The following MCM2 variants were observed in gnomAD, a reference collection of about 807,000 sequenced individuals.
MCM2 encodes the protein minichromosome maintenance complex component 2.
In MCM2, 49 loss-of-function variants were observed where a neutral mutation model predicts 86.4. The observed-to-expected ratio is 0.57, with a 90% confidence interval of 0.45 to 0.72. The LOEUF (loss-of-function observed/expected upper bound fraction) is 0.72, where lower values mean the gene tolerates loss of function less well. Ranked by LOEUF, MCM2 falls within the 30% of genes least tolerant of loss-of-function variation. MCM2 has a pLI of 0.00. For synonymous variants in MCM2, 475 were observed against 484.6 expected (o/e 0.98, Z 0.26); for missense variants, 1,038 against 1,259.9 (o/e 0.82, Z 2.67).
In MCM2 at chr3:127,606,681, T is replaced by G. The variant is rs1428169571; in HGVS notation, c.965T>G (p.Leu322Arg). 1.9e-6 allele frequency: 3 copies of G among 1,614,146 alleles called. No homozygotes were observed. The highest frequency in any genetic ancestry group is 1.7e-5 in the Admixed American group (1 of 60,014). Reference protein sequence around the residue: ...VTSCTGVLPQLSMVKYNCNKC... With the variant: ...VTSCTGVLPQRSMVKYNCNKC... The stretch of plus-strand genomic sequence containing the variant: ...AGCTGCACTGGCGTCCTGCCCCAGC[T>G]CAGCATGGTCAAGTACAACTGCAAC... The change falls in exon 6 of 16, where the codon CTC becomes CGC. Residue 322 changes from leucine to arginine, a missense_variant. Transcript: ENST00000265056. The surrounding 1 kb of genome is among the most constrained non-coding windows in gnomAD (Gnocchi z 4.2).
At position 127,599,463 on chromosome 3, in the gene MCM2, A is replaced by G; in HGVS notation, c.152A>G (p.Asp51Gly). Residue 51 changes from aspartate (D) to glycine (G), a missense_variant, in exon 2 of 16, where the codon GAT becomes GGT. Around this residue, in one of 4 missense-constraint regions of MCM2, gnomAD observed 300 missense variants for 307.4 expected, o/e 0.98. Coordinates refer to ENST00000265056, the MANE Select transcript of MCM2 (RefSeq NM_004526.4). ...SPGRDLPPFE[D>G]ESEGLLGTEG... is the part of the protein sequence containing the mutation. ...GGCCGTGACCTTCCACCATTTGAGGATGAGTCCGAGGGGCTCCTAGGCACA... is the reference window on the plus strand; with the variant it reads ...GGCCGTGACCTTCCACCATTTGAGGGTGAGTCCGAGGGGCTCCTAGGCACA... 6.2e-7 allele frequency: 1 copy of G among 1,614,186 alleles called. No individual in the cohort carries two copies. The highest frequency in any genetic ancestry group is 1.1e-5 in the South Asian group (1 of 91,078).
chr3:127,609,047 G>C, intron 8 of MCM2, 24 bp downstream of exon 8: 1 of 1,610,406 alleles, frequency 6.2e-7, no homozygotes, highest in Non-Finnish European at 8.5e-7. Flanking sequence ...AGGGGCAGGG[G>C]CTGTCAGGAT....
At chr3:127,612,410 A>T (rs1040556184) in intron 8 of MCM2, among the ~76,000 whole-genome samples, 1 of 152,242 alleles carries the variant, frequency 6.6e-6, no homozygotes, top group Non-Finnish European at 1.5e-5. Flanking sequence ...TATCTATAGA[A>T]ATGAGAGGAT....
intron 2 of MCM2, among the ~76,000 whole-genome samples, chr3:127,601,207 C>A (rs1004488698): frequency 6.6e-6 from 1 of 152,222 alleles, no homozygotes; most frequent in South Asian, 2.1e-4. Context: ...TGTGTTCTTG[C>A]ATGTGCAGCA....
In MCM2 at chr3:127,617,178, T is replaced by C; in HGVS notation, c.1773+60T>C. The C allele has an allele frequency of 1.2e-6, 2 of 1,604,060 alleles. No individual in the cohort carries two copies. Among genetic ancestry groups the C allele is most frequent in the South Asian group, 1.1e-5 (1 of 89,944 alleles). ...AGGGGGTGTGTGTGGGCTTGGGCCT[T>C]AGCGACGGGAATGGTGTTAATGGGG... On this transcript the variant is annotated intron_variant, in intron 10 of 15. Transcript: ENST00000265056. The surrounding 1 kb of genome is among the most constrained non-coding windows in gnomAD (Gnocchi z 4.1).
intron 8 of MCM2, chr3:127,610,965 C>T (rs767659616): frequency 2.2e-6 from 1 of 456,440 alleles, no homozygotes; most frequent in African/African-American, 2.0e-5. Context: ...CCTCCTAGGG[C>T]CAAGTTGTAG....
intron 15 of MCM2, 46 bp downstream of exon 15, chr3:127,621,274 G>C: frequency 6.2e-7 from 1 of 1,606,802 alleles, no homozygotes; most frequent in Non-Finnish European, 8.5e-7. Context: ...GCTGACTTGG[G>C]AGCTGCCAGT....
intron 2 of MCM2, among the ~76,000 whole-genome samples, chr3:127,600,390 G>A (rs2074299215): frequency 6.6e-6 from 1 of 152,244 alleles, no homozygotes; most frequent in African/African-American, 2.4e-5. Flanking sequence ...TGCATTTCCA[G>A]CTGCGATCTG....
rs751513310 is a variant in MCM2 at position 127,606,733 on chromosome 3, C to G, written c.1017C>G (p.Phe339Leu). The change falls in exon 6 of 16, where the codon TTC becomes TTG. Residue 339 changes from phenylalanine (F) to leucine (L), a missense_variant. Phe to Leu is a conservative substitution (Grantham distance 22). Coordinates refer to ENST00000265056, the MANE Select transcript of MCM2 (RefSeq NM_004526.4). This position sits in a 1 kb window ranked among gnomAD's most constrained non-coding sequence, Gnocchi z 4.2. ...AGTGCAATTTCGTCCTGGGTCCTTT[C>G]TGCCAGTCCCAGAACCAGGAGGTGA... ...CNKCNFVLGP[F>L]CQSQNQEVKP... 1 of 1,614,278 alleles carries G rather than the reference C, an allele frequency of 6.2e-7. No homozygotes were observed. The highest frequency in any genetic ancestry group is 2.2e-5 in the East Asian group (1 of 44,880).
intron 15 of MCM2, 41 bp from the exon 16 acceptor site, chr3:127,621,622 C>A: frequency 2.9e-6 from 4 of 1,361,726 alleles, no homozygotes; most frequent in Admixed American, 1.7e-5. Context: ...ACAGCCTGTT[C>A]TCACACCACT....
Position 127,618,903 on chromosome 3 carries a change from G to T in MCM2, c.2014-124G>T. The T allele has an allele frequency of 8.7e-7, 1 of 1,144,162 alleles. No homozygotes were observed. Among genetic ancestry groups the T allele is most frequent in the East Asian group, 2.6e-5 (1 of 38,326 alleles). The allele number at this position is 1,144,162 out of a possible 1,614,324, so 70.9% of individuals were successfully genotyped here. ...CCCAGAACTGCCTGGCACATGGTCA[G>T]TGTAGTCAGTCTTGTTGAAAGAGTG... On this transcript the variant is annotated intron_variant, in intron 12 of 15. Transcript: ENST00000265056. This position sits in a 1 kb window ranked among gnomAD's most constrained non-coding sequence, Gnocchi z 4.0.
intron 15 of MCM2, 140 bp from the exon 16 acceptor site, chr3:127,621,523 T>C (rs1351547481): frequency 4.7e-6 from 3 of 639,712 alleles, no homozygotes; most frequent in Non-Finnish European, 8.2e-6. Context: ...TTGAAGCCCC[T>C]TAATCGGCCT....
rs1350449513 is a variant in MCM2, at chr3:127,605,188, C to T, written c.673+32C>T. On this transcript the variant is annotated intron_variant, in intron 4 of 15. Transcript: ENST00000265056. ...CTTCCCTACGCCCCCGCCTCAGCCCCTGTAGCGCCTCCCTAAATCCTCCCC... is the reference window on the plus strand; with the variant it reads ...CTTCCCTACGCCCCCGCCTCAGCCCTTGTAGCGCCTCCCTAAATCCTCCCC... 1.9e-6 allele frequency: 3 copies of T among 1,601,088 alleles called. No individual in the cohort carries two copies. In the African/African-American group the frequency reaches 4.0e-5, roughly 21 times the overall value.
intron 1 of MCM2, chr3:127,599,084 AT>A: frequency 1.7e-6 from 1 of 579,486 alleles, no homozygotes; most frequent in Non-Finnish European, 3.1e-6. Flanking sequence ...TGACCCCGAT[AT>A]TTGAGCTGGC....
intron 2 of MCM2, among the ~76,000 whole-genome samples, chr3:127,601,520 C>G (rs762261501): frequency 6.6e-6 from 1 of 152,084 alleles, no homozygotes. Flanking sequence ...GCCACCACAC[C>G]GGCTAATTTT....
Position 127,617,825 on chromosome 3 carries a change from G to A in MCM2, c.1901-144G>A, listed in dbSNP as rs1029193300. ...CCCTGGTTAGGGTAAGCTCTTTGCT[G>A]TCTCAGACAGCAGGTGCTAAGTACC... On this transcript the variant is annotated intron_variant, in intron 11 of 15. Transcript: ENST00000265056. This position sits in a 1 kb window ranked among gnomAD's most constrained non-coding sequence, Gnocchi z 4.1. 5 of 661,250 alleles carry A rather than the reference G, an allele frequency of 7.6e-6. No individual in the cohort carries two copies. The highest frequency in any genetic ancestry group is 3.6e-5 in the African/African-American group (2 of 56,180). The allele number at this position is 661,250 out of a possible 1,614,324, so 41.0% of individuals were successfully genotyped here. A position where few individuals can be genotyped will look rare whatever the true frequency, so the allele number is the denominator to read the frequency against.
At chr3:127,600,747 C>G (rs2074301743) in intron 2 of MCM2, among the ~76,000 whole-genome samples, 1 of 151,886 alleles carries the variant, frequency 6.6e-6, no homozygotes. Flanking sequence ...TCTGCTGTTT[C>G]CCCTCCCTGT....
Position 127,616,988 on chromosome 3 carries a change from G to A in MCM2, c.1643G>A (p.Gly548Asp). ...TCCAGCCGAGCCATCTTCACCACTG[G>A]CCAGGGGGCGTCGGCTGTGGGCCTC... The part of the protein sequence containing the change: ...KVSSRAIFTT[G>D]QGASAVGLTA... The change falls in exon 10 of 16, where the codon GGC becomes GAC. Residue 548 changes from glycine to aspartate, a missense_variant. By Grantham distance (94) the Gly-to-Asp change is moderately conservative (BLOSUM62 -1). Around this residue, in one of 4 missense-constraint regions of MCM2, gnomAD observed 399 missense variants for 507.2 expected, o/e 0.79. Transcript: ENST00000265056. 6.2e-7 allele frequency: 1 copy of A among 1,614,194 alleles called. No individual in the cohort carries two copies. The highest frequency in any genetic ancestry group is 8.5e-7 in the Non-Finnish European group (1 of 1,180,052).
rs1442514239 is a variant in MCM2, at chr3:127,621,887, AG to A, written c.*117del. ...TTGATGAACTCGGGGTACTAGGGTCAGGGCTTATAGCAGGATGTCTGGCTGC... is the reference window on the plus strand; with the variant it reads ...TTGATGAACTCGGGGTACTAGGGTCAGGCTTATAGCAGGATGTCTGGCTGC... On this transcript the variant is annotated 3_prime_UTR_variant, in exon 16 of 16. Transcript: ENST00000265056. 2 of 684,930 alleles carry A rather than the reference AG, an allele frequency of 2.9e-6. No individual in the cohort carries two copies. The highest frequency in any genetic ancestry group is 3.6e-5 in the African/African-American group (2 of 55,428). 42.4% of individuals were successfully genotyped at this position (684,930 alleles called of 1,614,324 possible).
Sources: gnomAD v4.1 joint callset for allele counts (sites outside exome capture counted in the v4.1 genomes callset) on GRCh38, gnomAD v4.1.1 for gene constraint, gnomAD v4.1.1 regional missense constraint, Gnocchi (gnomAD v3.1) non-coding constraint, MANE v1.5 for transcripts, NCBI Gene and HGNC (gene_info 2026-07-23, HGNC 2026-07-21) for gene names.